The following ATXN7 variants were observed in gnomAD, a reference collection of about 807,000 sequenced individuals.
ATXN7 encodes the protein ataxin-7.
A neutral mutation model predicts 70.5 loss-of-function variants in ATXN7; 12 were observed. The ratio of observed to expected loss-of-function variants is 0.17; its 90% CI spans 0.11 to 0.28. The LOEUF (loss-of-function observed/expected upper bound fraction) is 0.28, where lower values mean the gene tolerates loss of function less well. Among genes scored for constraint, ATXN7 ranks in the 10% least tolerant of loss-of-function variants. The probability of loss-of-function intolerance (pLI) is 1.00; values close to 1 mark genes in which losing one functional copy is unlikely to be tolerated. For missense variants in ATXN7, 1,256 were observed against 1,131.7 expected (o/e 1.11, Z -1.58); for synonymous variants, 498 against 448.7 (o/e 1.11, Z -1.39).
At chr3:63,990,475 G>A in intron 10 of ATXN7, 101 bp downstream of exon 10, 1 of 1,430,302 alleles carries the variant, frequency 7.0e-7, no homozygotes. Flanking sequence ...GTATGTGTGG[G>A]ACGCGGTCAA....
At position 63,996,136 on chromosome 3, in the gene ATXN7, C is replaced by G. The variant is rs2106805326; in HGVS notation, c.2314C>G (p.His772Asp). ...TNKANAVNVR[H>D]DQSGRGPPTG... ...TAAAGCAAATGCGGTGAACGTCCGG[C>G]ATGACCAGTCAGGGAGGGGCCCCCC... Residue 772 changes from histidine to aspartate, a missense_variant, in exon 12 of 13, where the codon CAT becomes GAT. His to Asp is a moderately conservative substitution (Grantham distance 81). Coordinates refer to ENST00000674280, the MANE Select transcript of ATXN7 (RefSeq NM_001377405.1). 6.2e-7 allele frequency: 1 copy of G among 1,614,194 alleles called. No individual in the cohort carries two copies. Among genetic ancestry groups the G allele is most frequent in the Non-Finnish European group, 8.5e-7 (1 of 1,180,046 alleles).
intron 1 of ATXN7, among the ~76,000 whole-genome samples, chr3:63,871,864 T>TAAAA (rs141661643): frequency 4.1e-4 from 61 of 149,780 alleles, no homozygotes; most frequent in Non-Finnish European, 6.5e-4. Flanking sequence ...TTTTTAAATT[T>TAAAA]AAAAAAAAAA....
chr3:63,925,906 G>C (rs1704698181), intron 4 of ATXN7, among the ~76,000 whole-genome samples: 1 of 152,180 alleles, frequency 6.6e-6, no homozygotes, highest in African/African-American at 2.4e-5. Context: ...GGTAGGTAGT[G>C]GAGGACAGGA....
intron 4 of ATXN7, among the ~76,000 whole-genome samples, chr3:63,946,066 T>G (rs2107374382): frequency 6.6e-6 from 1 of 152,330 alleles, no homozygotes; most frequent in Middle Eastern, 3.4e-3. Flanking sequence ...CAAATGCCAG[T>G]CATTTACTTC....
chr3:63,931,826 GT>G (rs1704978185), intron 4 of ATXN7, among the ~76,000 whole-genome samples: 1 of 152,130 alleles, frequency 6.6e-6, no homozygotes, highest in Non-Finnish European at 1.5e-5. Context: ...GCAGATGTAA[GT>G]TTTAACGATA....
At chr3:63,969,249 A>G (rs1033932204) in intron 5 of ATXN7, among the ~76,000 whole-genome samples, 1 of 152,158 alleles carries the variant, frequency 6.6e-6, no homozygotes, top group Non-Finnish European at 1.5e-5. Context: ...TCTTATTTCC[A>G]TGTTCTGGTC....
chr3:63,890,798 T>C (rs987708057), intron 1 of ATXN7, among the ~76,000 whole-genome samples: 1 of 151,926 alleles, frequency 6.6e-6, no homozygotes, highest in Non-Finnish European at 1.5e-5. Flanking sequence ...AAGCTCAGAG[T>C]GTGTTGGCAA....
intron 9 of ATXN7, chr3:63,988,606 A>T: frequency 2.7e-6 from 1 of 367,956 alleles, no homozygotes; most frequent in South Asian, 3.4e-5. Flanking sequence ...AGCAGGCAGA[A>T]ATTGGGTCCT....
chr3:63,979,545 A>G (rs1225263076), intron 5 of ATXN7, among the ~76,000 whole-genome samples: 1 of 152,214 alleles, frequency 6.6e-6, no homozygotes, highest in African/African-American at 2.4e-5. Flanking sequence ...CATTTAGCAG[A>G]GCTCTGCAGA....
At chr3:63,888,427 A>G (rs1216804523) in intron 1 of ATXN7, among the ~76,000 whole-genome samples, 4 of 152,184 alleles carry the variant, frequency 2.6e-5, no homozygotes, top group Non-Finnish European at 1.5e-5. Context: ...GTGTCATCTT[A>G]TCATGTGTAT....
intron 4 of ATXN7, among the ~76,000 whole-genome samples, chr3:63,949,824 G>A (rs886211866): frequency 6.6e-6 from 1 of 152,144 alleles, no homozygotes; most frequent in African/African-American, 2.4e-5. Flanking sequence ...ATTAAGAACC[G>A]AGTTTTCCGG....
At chr3:63,974,037 G>A (rs926590349) in intron 5 of ATXN7, among the ~76,000 whole-genome samples, 1 of 152,090 alleles carries the variant, frequency 6.6e-6, no homozygotes, top group Admixed American at 6.5e-5. Flanking sequence ...CCTGTAGCTT[G>A]GTTTTCAGGC....
At chr3:63,994,337 C>A (rs1160600151) in intron 11 of ATXN7, among the ~76,000 whole-genome samples, 1 of 152,136 alleles carries the variant, frequency 6.6e-6, no homozygotes, top group East Asian at 1.9e-4. Flanking sequence ...CCGGTTCAAG[C>A]GATTCTCCTG....
rs571559778 is a variant in ATXN7 at position 63,928,970 on chromosome 3, G to A, written c.394+15745G>A. Among the ~76,000 whole-genome samples, 318 of 152,266 alleles carry A rather than the reference G, an allele frequency of 2.1e-3. 2 individuals are homozygous for A. Among genetic ancestry groups the A allele is most frequent in the African/African-American group, 7.1e-3 (293 of 41,552 alleles). On this transcript the variant is annotated intron_variant, in intron 4 of 12. Coordinates refer to ENST00000674280, the MANE Select transcript of ATXN7 (RefSeq NM_001377405.1). ...AGGACCTTGGGCCTAAAACCTTTGC[G>A]AGGCTTGAGTGTGCATATTAGTCCA...
chr3:63,902,061 A>C (rs1403495375), intron 2 of ATXN7: 1 of 152,158 alleles, frequency 6.6e-6, no homozygotes, highest in Admixed American at 6.5e-5. Context: ...ACTAGATAGT[A>C]ATGTTGGTTG....
At chr3:63,971,632 G>A (rs560327130) in intron 5 of ATXN7, among the ~76,000 whole-genome samples, 42 of 152,064 alleles carry the variant, frequency 2.8e-4, no homozygotes, top group Non-Finnish European at 5.4e-4. Flanking sequence ...ATTTTCAATG[G>A]TATGCCAAAT....
chr3:63,961,821 G>C (rs978816456), intron 5 of ATXN7, among the ~76,000 whole-genome samples: 3 of 152,018 alleles, frequency 2.0e-5, no homozygotes, highest in African/African-American at 7.2e-5. Flanking sequence ...GAAATCATTA[G>C]CTATTATAGG....
At chr3:63,880,169 G>A (rs545595827) in intron 1 of ATXN7, among the ~76,000 whole-genome samples, 2 of 152,206 alleles carry the variant, frequency 1.3e-5, no homozygotes, top group African/African-American at 4.8e-5. Flanking sequence ...TGAGGTTTGA[G>A]AAATGGGAAG....
intron 5 of ATXN7, chr3:63,967,928 C>T (rs754947277): frequency 7.6e-5 from 116 of 1,535,818 alleles, no homozygotes; most frequent in Middle Eastern, 1.7e-4. Context: ...GGTAGCAAGA[C>T]GCCTCTCCAA....
Sources: allele counts gnomAD v4.1 joint callset (sites outside exome capture counted in the v4.1 genomes callset), GRCh38; gene constraint gnomAD v4.1.1; transcripts MANE v1.5; gene names NCBI Gene and HGNC (gene_info 2026-07-23, HGNC 2026-07-21).